The following NHSL1 variants were observed in gnomAD, a reference collection of about 807,000 sequenced individuals.
The protein encoded by NHSL1 is NHS like 1.
NHSL1 carries 48 observed loss-of-function variants against 95.0 expected under a neutral mutation model. The ratio of observed to expected loss-of-function variants is 0.51; its 90% CI spans 0.40 to 0.64. NHSL1 has a LOEUF of 0.64. Ranked by LOEUF, NHSL1 falls within the 30% of genes least tolerant of loss-of-function variation. The pLI is 0.00. For synonymous variants in NHSL1, 783 were observed against 833.9 expected, an observed-to-expected ratio of 0.94 and a Z score of 1.05; for missense variants, 1,971 against 2,077.7, an observed-to-expected ratio of 0.95 and a Z score of 1.00.
In NHSL1 at chr6:138,512,472, G is replaced by A. The variant is rs554119075; in HGVS notation, c.17-16101C>T. 18 of 303,448 alleles carry A rather than the reference G, an allele frequency of 5.9e-5. No homozygotes were observed. The Middle Eastern group carries it at 1.2e-3, about 20-fold the overall frequency. The allele number at this position is 303,448 out of a possible 1,614,324, so 18.8% of individuals were successfully genotyped here. A position where few individuals can be genotyped will look rare whatever the true frequency, so the allele number is the denominator to read the frequency against. On this transcript the variant is annotated intron_variant, in intron 1 of 4. Coordinates refer to the NHSL1 transcript ENST00000342260. The stretch of plus-strand genomic sequence containing the variant: ...TTCGTTAATACAATTCTAACTGCTC[G>A]TCAACAGGATAACTCTATATTCTGA...
intron 1 of NHSL1, among the ~76,000 whole-genome samples, chr6:138,608,613 T>A (rs1038655161): frequency 7.2e-5 from 11 of 152,250 alleles, no homozygotes; most frequent in Admixed American, 2.0e-4. Flanking sequence ...CTGAAAATTT[T>A]ATTTCTACTT....
intron 1 of NHSL1, among the ~76,000 whole-genome samples, chr6:138,680,366 T>G (rs558878948): frequency 1.3e-5 from 2 of 152,284 alleles, no homozygotes; most frequent in African/African-American, 4.8e-5. Flanking sequence ...ACCAACCCAG[T>G]GAAATCAAAT....
chr6:138,605,001 T>C (rs1784415252), intron 1 of NHSL1, among the ~76,000 whole-genome samples: 1 of 152,202 alleles, frequency 6.6e-6, no homozygotes, highest in Non-Finnish European at 1.5e-5. Context: ...ATATCCTAAT[T>C]ACTTTTCTTT....
chr6:138,651,569 G>A (rs80090981), intron 1 of NHSL1, among the ~76,000 whole-genome samples: 84 of 152,284 alleles, frequency 5.5e-4, no homozygotes, highest in Non-Finnish European at 9.0e-4. Context: ...TTCTTTAGAC[G>A]GAAGGTGAAC....
At chr6:138,485,517 G>A (rs545439452) in intron 2 of NHSL1, among the ~76,000 whole-genome samples, 17 of 150,372 alleles carry the variant, frequency 1.1e-4, no homozygotes, top group Non-Finnish European at 2.4e-4. Flanking sequence ...AAAAAGCAAT[G>A]ATTGTTCATT....
At chr6:138,610,445 C>T (rs569140740) in intron 1 of NHSL1, among the ~76,000 whole-genome samples, 16 of 151,438 alleles carry the variant, frequency 1.1e-4, no homozygotes, top group East Asian at 1.9e-4. Context: ...ATGTAAATGA[C>T]GAGTTAATGG....
At position 138,431,665 on chromosome 6, in the gene NHSL1, A is replaced by G. The variant is rs1350077007; in HGVS notation, c.2680T>C (p.Ser894Pro). The stretch of plus-strand genomic sequence containing the variant: ...GACGATGAGGAAATGGATACTGAAG[A>G]TATCAGAGAGGACTTCCTTTCTGGT... ...KVPERKSSLI[S>P]SVSISSSSTS... Residue 894 changes from serine to proline, a missense_variant, in exon 6 of 8, where the codon TCT (serine) becomes CCT (proline). Coordinates refer to ENST00000343505, the MANE Select transcript of NHSL1 (RefSeq NM_001144060.2). This position sits in a 1 kb window ranked among gnomAD's most constrained non-coding sequence, Gnocchi z 4.0. 2.6e-6 allele frequency: 4 copies of G among 1,551,332 alleles called. No individual in the cohort carries two copies. The South Asian group carries it at 3.6e-5, about 14-fold the overall frequency.
chr6:138,453,381 G>T (rs1054515335), intron 3 of NHSL1, among the ~76,000 whole-genome samples: 1 of 151,824 alleles, frequency 6.6e-6, no homozygotes, highest in Non-Finnish European at 1.5e-5. Context: ...TTGAGATGAG[G>T]TCTTGCCCTC....
rs1403755630 is a variant in NHSL1 at position 138,692,110 on chromosome 6, G to T, written c.96+366C>A. 2.2e-6 allele frequency: 1 copy of T among 455,496 alleles called. No individual in the cohort carries two copies. The highest frequency in any genetic ancestry group is 1.5e-5 in the South Asian group (1 of 64,546). 28.2% of individuals were successfully genotyped at this position (455,496 alleles called of 1,614,324 possible). Reference sequence around the variant, plus strand: ...TATTCTCCCCTGGCTTTTCCAACAGGCTACCTGCCTGTGACAGTTTTCCCA... The same window carrying T: ...TATTCTCCCCTGGCTTTTCCAACAGTCTACCTGCCTGTGACAGTTTTCCCA... On this transcript the variant is annotated intron_variant, in intron 1 of 3. Coordinates refer to the NHSL1 transcript ENST00000491526. This position sits in a 1 kb window ranked among gnomAD's most constrained non-coding sequence, Gnocchi z 4.0.
At chr6:138,666,468 T>A (rs1433135288) in intron 1 of NHSL1, among the ~76,000 whole-genome samples, 2 of 151,582 alleles carry the variant, frequency 1.3e-5, no homozygotes, top group African/African-American at 4.8e-5. Context: ...GGTGGGCGCC[T>A]ATAGTCCCAG....
At chr6:138,579,305 A>C (rs1023665252) in intron 1 of NHSL1, among the ~76,000 whole-genome samples, 1 of 152,246 alleles carries the variant, frequency 6.6e-6, no homozygotes, top group Admixed American at 6.5e-5. Context: ...GGAACCATCC[A>C]TCATTTCCAT....
intron 1 of NHSL1, among the ~76,000 whole-genome samples, chr6:138,551,907 C>T (rs567544740): frequency 1.3e-5 from 2 of 152,292 alleles, no homozygotes; most frequent in South Asian, 4.1e-4. Context: ...CCTACTGAGT[C>T]CCAAGGGCAA....
At chr6:138,579,431 G>GCAA (rs1469985615) in intron 1 of NHSL1, among the ~76,000 whole-genome samples, 1 of 152,116 alleles carries the variant, frequency 6.6e-6, no homozygotes. Flanking sequence ...GTATAAACTG[G>GCAA]CAAAAAGTAT....
upstream of NHSL1, among the ~76,000 whole-genome samples, chr6:138,503,204 A>T (rs80261610): frequency 2.2e-3 from 341 of 151,976 alleles, 1 homozygote; most frequent in Non-Finnish European, 3.6e-3. Flanking sequence ...ACTTCCAACC[A>T]CCCAGCTCTT....
intron 1 of NHSL1, among the ~76,000 whole-genome samples, chr6:138,668,749 G>A (rs973680671): frequency 1.1e-4 from 16 of 150,448 alleles, no homozygotes; most frequent in Middle Eastern, 3.4e-3. Context: ...TCAGTCTCCC[G>A]CGTAGCTGGG....
At chr6:138,437,117 C>CA (rs1776155513) in intron 5 of NHSL1, among the ~76,000 whole-genome samples, 1 of 151,210 alleles carries the variant, frequency 6.6e-6, no homozygotes, top group South Asian at 2.1e-4. Context: ...ACTAAAAATA[C>CA]AAAAAAATTA....
At chr6:138,673,047 A>C (rs1233445440) in intron 1 of NHSL1, among the ~76,000 whole-genome samples, 3 of 144,798 alleles carry the variant, frequency 2.1e-5, no homozygotes, top group African/African-American at 8.7e-5. Context: ...AGATAGATAG[A>C]TAGATAGATA....
At chr6:138,482,266 T>G (rs1779461196) in intron 2 of NHSL1, among the ~76,000 whole-genome samples, 1 of 152,092 alleles carries the variant, frequency 6.6e-6, no homozygotes, top group Admixed American at 6.5e-5. Flanking sequence ...TTCAACATGG[T>G]GACACTCCAT....
At chr6:138,546,267 GT>G (rs1782789637), upstream of NHSL1, among the ~76,000 whole-genome samples, 1 of 151,874 alleles carries the variant, frequency 6.6e-6, no homozygotes, top group African/African-American at 2.4e-5. Context: ...TAAGCACAAA[GT>G]AAGTGCTATC....
Sources: allele counts gnomAD v4.1 joint callset (sites outside exome capture counted in the v4.1 genomes callset), GRCh38; gene constraint gnomAD v4.1.1; non-coding constraint Gnocchi (gnomAD v3.1); transcripts MANE v1.5; gene names NCBI Gene and HGNC (gene_info 2026-07-23, HGNC 2026-07-21).